MAPK11: variants seen among roughly 807,000 people sequenced by gnomAD.
MAPK11 encodes MAP kinase 11.
Under a neutral mutation model 52.2 loss-of-function variants are expected in MAPK11, and 44 were observed. That is an observed-to-expected ratio of 0.84 (90% confidence interval 0.66 to 1.08). The LOEUF (loss-of-function observed/expected upper bound fraction) is 1.08. Among genes scored for constraint, MAPK11 ranks in the 50% least tolerant of loss-of-function variants. The pLI is 0.00. For missense variants in MAPK11, 436 were observed against 494.7 expected (o/e 0.88, Z 1.13); for synonymous variants, 233 against 206.3 (o/e 1.13, Z -1.11).
At position 50,270,079 on chromosome 22, in the gene MAPK11, G is replaced by C; in HGVS notation, c.116+98C>G. 2.1e-6 allele frequency: 1 copy of C among 465,620 alleles called. No individual in the cohort carries two copies. Among genetic ancestry groups the C allele is most frequent in the Non-Finnish European group, 3.4e-6 (1 of 295,802 alleles). 28.8% of individuals were successfully genotyped at this position (465,620 alleles called of 1,614,324 possible). ...CGCCCGGGGGCGGAGGCAGGGCGAG[G>C]CCCCTCCCCACGCCGAGAACCTCGC... is the stretch of plus-strand genomic sequence containing the variant. On this transcript the variant is annotated intron_variant, in intron 1 of 11. Coordinates refer to ENST00000330651, the MANE Select transcript of MAPK11 (RefSeq NM_002751.7). This position sits in a 1 kb window ranked among gnomAD's most constrained non-coding sequence, Gnocchi z 6.3.
chr22:50,265,115 C>CCCT, intron 11 of MAPK11, 88 bp from the exon 12 acceptor site: 1 of 1,302,322 alleles, frequency 7.7e-7, no homozygotes, highest in Non-Finnish European at 1.1e-6. Flanking sequence ...CAGCCCAGGC[C>CCCT]CACCACCCTG....
At position 50,265,457 on chromosome 22, in the gene MAPK11, A is replaced by G. The variant is rs750034794; in HGVS notation, c.879T>C (p.Ser293=). Residue 293 remains serine (S), a synonymous_variant, in exon 11 of 12, where the codon AGT becomes AGC. Transcript: ENST00000330651. ...CCTCAGCTGCACTGACCCTCTGGTC[A>G]CTGTCCAGCACCAGCATCCTTCCAA... The part of the protein sequence containing the change: ...DLLGRMLVLD[S]DQRVSAAEAL... 1.2e-6 allele frequency: 2 copies of G among 1,613,140 alleles called. No homozygotes were observed. Among genetic ancestry groups the G allele is most frequent in the South Asian group, 2.2e-5 (2 of 91,082 alleles).
intron 1 of MAPK11, among the ~76,000 whole-genome samples, chr22:50,269,678 G>A (rs898598663): frequency 1.6e-4 from 24 of 152,200 alleles, no homozygotes; most frequent in Non-Finnish European, 3.1e-4. Context: ...TTTGTGGTCT[G>A]AGGGGGAGTC....
chr22:50,266,323 C>T lies in MAPK11; in HGVS notation c.683-18G>A, dbSNP rs1245736763. Reference sequence around the variant, plus strand: ...GTCAATGTCTGTGTCACTCAGGAAACACCCACGGGCCAGCCACAGACCCCT... The same window carrying T: ...GTCAATGTCTGTGTCACTCAGGAAATACCCACGGGCCAGCCACAGACCCCT... On this transcript the variant is annotated intron_variant, in intron 8 of 11. Coordinates refer to ENST00000330651, the MANE Select transcript of MAPK11 (RefSeq NM_002751.7). 1.3e-6 allele frequency: 2 copies of T among 1,595,874 alleles called. No homozygotes were observed. The highest frequency in any genetic ancestry group is 4.5e-5 in the East Asian group (2 of 44,332).
chr22:50,269,462 C>T (rs571126856), intron 1 of MAPK11, among the ~76,000 whole-genome samples: 1 of 152,240 alleles, frequency 6.6e-6, no homozygotes, highest in Non-Finnish European at 1.5e-5. Flanking sequence ...CTGCACCTCT[C>T]AAAGCCTGTA....
intron 8 of MAPK11, 47 bp downstream of exon 8, chr22:50,266,493 A>G: frequency 6.7e-7 from 1 of 1,489,670 alleles, no homozygotes; most frequent in South Asian, 1.3e-5. Context: ...CCTACCCTAC[A>G]GGAGGGGCCC....
chr22:50,267,786 C>T, intron 2 of MAPK11, 34 bp downstream of exon 2: 2 of 1,484,996 alleles, frequency 1.3e-6, no homozygotes, highest in Non-Finnish European at 9.0e-7. Context: ...CGCCCCCGCA[C>T]GCGCCCTCCC....
chr22:50,268,483 C>A (rs1434178522), intron 1 of MAPK11, among the ~76,000 whole-genome samples: 3 of 152,198 alleles, frequency 2.0e-5, no homozygotes, highest in Non-Finnish European at 2.9e-5. Flanking sequence ...TTATTTGGAA[C>A]AAAACCGGGA....
Position 50,267,867 on chromosome 22 carries a change from T to A in MAPK11, c.199A>T (p.Arg67Ter). 6.3e-7 allele frequency: 1 copy of A among 1,588,918 alleles called. No homozygotes were observed. Among genetic ancestry groups the A allele is most frequent in the Non-Finnish European group, 8.5e-7 (1 of 1,170,214 alleles). The change falls in exon 2 of 12, where the codon AGA becomes TGA. Residue 67 changes from arginine to a stop codon, truncating the protein, a stop_gained. Transcript: ENST00000330651. LOFTEE classifies it high-confidence loss of function. ...RPFQSLIHAR[R>*]TYRELRLLKH... ...AGCAGCCGCAGCTCCCGGTACGTTCTGCGCGCGTGGATCAGCGACTGGAAG... is the reference window on the plus strand; with the variant it reads ...AGCAGCCGCAGCTCCCGGTACGTTCAGCGCGCGTGGATCAGCGACTGGAAG...
Position 50,266,984 on chromosome 22 carries a change from C to T in MAPK11, c.560G>A (p.Trp187Ter). The stretch of plus-strand genomic sequence containing the variant: ...GAGCATGATCTCAGGTGCCCGGTAC[C>T]AGCGCGTGGCCACATAGCCGGTCAT... ...EEMTGYVATR[W>*]YRAPEIMLNW... Residue 187 changes from tryptophan (W) to a stop codon, truncating the protein, a stop_gained, in exon 7 of 12, where the codon TGG becomes TAG. Coordinates refer to ENST00000330651, the MANE Select transcript of MAPK11 (RefSeq NM_002751.7). LOFTEE classifies it high-confidence loss of function. 6.2e-7 allele frequency: 1 copy of T among 1,612,490 alleles called. No homozygotes were observed. The highest frequency in any genetic ancestry group is 1.7e-5 in the Admixed American group (1 of 60,024).
At position 50,266,164 on chromosome 22, in the gene MAPK11, C is replaced by T. The variant is rs547422887; in HGVS notation, c.762+62G>A. 17 of 1,368,320 alleles carry T rather than the reference C, an allele frequency of 1.2e-5. No individual in the cohort carries two copies. The Middle Eastern group carries it at 5.5e-4, about 44-fold the overall frequency. 84.8% of individuals were successfully genotyped at this position (1,368,320 alleles called of 1,614,324 possible). Reference sequence around the variant, plus strand: ...CCCCGCATTTCCACACCACCCTCTCCCCCAGAGAGCCTGGGGGCTCAGCCA... The same window carrying T: ...CCCCGCATTTCCACACCACCCTCTCTCCCAGAGAGCCTGGGGGCTCAGCCA... On this transcript the variant is annotated intron_variant, in intron 9 of 11. Coordinates refer to ENST00000330651, the MANE Select transcript of MAPK11 (RefSeq NM_002751.7).
Position 50,267,812 on chromosome 22 carries a change from CG to C in MAPK11, c.246+7del. 6.5e-7 allele frequency: 1 copy of C among 1,536,216 alleles called. No homozygotes were observed. Among genetic ancestry groups the C allele is most frequent in the Middle Eastern group, 1.8e-4 (1 of 5,420 alleles). On this transcript the variant is annotated splice_region_variant and intron_variant, in intron 2 of 11. Coordinates refer to ENST00000330651, the MANE Select transcript of MAPK11 (RefSeq NM_002751.7). The stretch of plus-strand genomic sequence containing the variant: ...GCGCCCTCCCCCCACGGCCCTCCCC[CG>C]GCTCACGTTCTCGTGCTTCAGGTGC...
At chr22:50,268,807 G>A (rs2065286286) in intron 1 of MAPK11, among the ~76,000 whole-genome samples, 1 of 152,234 alleles carries the variant, frequency 6.6e-6, no homozygotes, top group Non-Finnish European at 1.5e-5. Flanking sequence ...GGGAGCAGGA[G>A]CGGCTCCTGC....
chr22:50,264,920 A>C lies in MAPK11; in HGVS notation c.*28T>G, dbSNP rs1292153129. On this transcript the variant is annotated 3_prime_UTR_variant, in exon 12 of 12. Coordinates refer to ENST00000330651, the MANE Select transcript of MAPK11 (RefSeq NM_002751.7). ...AGGGTGCAGGCCCAAGCCCCTCCAC[A>C]GGCTCTCAGGGGCTGCTGGGCAGCA... The C allele has an allele frequency of 6.3e-7, 1 of 1,591,074 alleles. No individual in the cohort carries two copies. Among genetic ancestry groups the C allele is most frequent in the Admixed American group, 1.7e-5 (1 of 57,458 alleles).
intron 9 of MAPK11, among the ~76,000 whole-genome samples, 189 bp downstream of exon 9, chr22:50,266,037 C>G (rs2065259569): frequency 6.6e-6 from 1 of 152,140 alleles, no homozygotes; most frequent in Non-Finnish European, 1.5e-5. Context: ...CACTCACTGT[C>G]CCTGGTGTCA....
At position 50,270,169 on chromosome 22, in the gene MAPK11, G is replaced by T; in HGVS notation, c.116+8C>A. 1.7e-6 allele frequency: 2 copies of T among 1,174,912 alleles called. No homozygotes were observed. The highest frequency in any genetic ancestry group is 1.1e-6 in the Non-Finnish European group (1 of 876,262). 72.8% of individuals were successfully genotyped at this position (1,174,912 alleles called of 1,614,324 possible). A position where few individuals can be genotyped will look rare whatever the true frequency, so the allele number is the denominator to read the frequency against. On this transcript the variant is annotated splice_region_variant and intron_variant, in intron 1 of 11. Coordinates refer to ENST00000330651, the MANE Select transcript of MAPK11 (RefSeq NM_002751.7). The surrounding 1 kb of genome is among the most constrained non-coding windows in gnomAD (Gnocchi z 6.3). Reference sequence around the variant, plus strand: ...CCCCACCCAGCACCCCTTCTGCCCCGCCCCTACCAGACGGAGCCGTAGGCG... The same window carrying T: ...CCCCACCCAGCACCCCTTCTGCCCCTCCCCTACCAGACGGAGCCGTAGGCG...
intron 7 of MAPK11, 154 bp from the exon 8 acceptor site, chr22:50,266,765 AGAG>A (rs2065265491): frequency 1.1e-6 from 1 of 944,352 alleles, no homozygotes; most frequent in South Asian, 1.4e-5. Flanking sequence ...CTGCACAGCC[AGAG>A]GAGGCCAGCA....
At chr22:50,265,796 C>T in intron 9 of MAPK11, 136 bp from the exon 10 acceptor site, 2 of 626,528 alleles carry the variant, frequency 3.2e-6, no homozygotes, top group South Asian at 2.0e-5. Flanking sequence ...GACCAGTGAC[C>T]CCCTCCATAT....
intron 2 of MAPK11, 75 bp from the exon 3 acceptor site, chr22:50,267,702 A>T (rs1390491576): frequency 7.2e-7 from 1 of 1,387,690 alleles, no homozygotes; most frequent in Non-Finnish European, 9.5e-7. Flanking sequence ...CCACGCCCCC[A>T]GTGCCAGGCC....
Sources: gnomAD v4.1 joint callset for allele counts (sites outside exome capture counted in the v4.1 genomes callset) on GRCh38, gnomAD v4.1.1 for gene constraint, Gnocchi (gnomAD v3.1) non-coding constraint, MANE v1.5 for transcripts, NCBI Gene and HGNC (gene_info 2026-07-23, HGNC 2026-07-21) for gene names.